Variants in ATRNL1 observed in about 807,000 individuals in gnomAD.
ATRNL1 encodes attractin-like protein 1.
ATRNL1 carries 95 observed loss-of-function variants against 182.7 expected under a neutral mutation model. The observed-to-expected ratio is 0.52, with a 90% CI of 0.44 to 0.62. ATRNL1 has a LOEUF of 0.62. Ranked by LOEUF, ATRNL1 falls within the 20% of genes least tolerant of loss-of-function variation. The pLI is 0.00. For synonymous variants in ATRNL1, 576 were observed against 568.3 expected, an observed-to-expected ratio of 1.01 and a Z score of -0.19; for missense variants, 1,471 against 1,679.5, an observed-to-expected ratio of 0.88 and a Z score of 2.17.
intron 26 of ATRNL1, among the ~76,000 whole-genome samples, chr10:115,608,870 A>C (rs1857004099): frequency 6.6e-6 from 1 of 151,950 alleles, no homozygotes; most frequent in African/African-American, 2.4e-5. Flanking sequence ...AAATCCTAGT[A>C]GACAAAATTG....
intron 1 of ATRNL1, among the ~76,000 whole-genome samples, chr10:115,115,314 T>C (rs1844434753): frequency 6.6e-6 from 1 of 152,068 alleles, no homozygotes; most frequent in Admixed American, 6.6e-5. Context: ...TATTATTTCG[T>C]TGGCGTTCTA....
intron 13 of ATRNL1, among the ~76,000 whole-genome samples, chr10:115,270,326 ATTTGTT>A (rs1392376705): frequency 8.6e-5 from 9 of 104,830 alleles, no homozygotes; most frequent in East Asian, 4.3e-4. Context: ...ATATAAATAT[ATTTGTT>A]TATATATTAT....
At chr10:115,784,127 A>G (rs1303047778) in intron 27 of ATRNL1, among the ~76,000 whole-genome samples, 1 of 152,200 alleles carries the variant, frequency 6.6e-6, no homozygotes, top group Non-Finnish European at 1.5e-5. Context: ...TCTGAATGTC[A>G]GTTTTCTTTT....
At chr10:115,429,871 T>C (rs183994871) in intron 21 of ATRNL1, among the ~76,000 whole-genome samples, 3 of 151,998 alleles carry the variant, frequency 2.0e-5, no homozygotes, top group Admixed American at 1.3e-4. Flanking sequence ...ATCGAGACCA[T>C]CCTGGCTAAC....
At chr10:115,533,512 G>T (rs1200445570) in intron 25 of ATRNL1, among the ~76,000 whole-genome samples, 78 of 151,910 alleles carry the variant, frequency 5.1e-4, no homozygotes, top group African/African-American at 1.8e-3. Flanking sequence ...TATTAGTCTT[G>T]CTAGCTGTCT....
chr10:115,230,992 T>C (rs931045024), intron 9 of ATRNL1, among the ~76,000 whole-genome samples: 5 of 150,592 alleles, frequency 3.3e-5, no homozygotes, highest in Non-Finnish European at 5.9e-5. Context: ...TTGGCATTAG[T>C]TGGGATGATG....
chr10:115,725,297 T>C (rs1461047544), intron 26 of ATRNL1, among the ~76,000 whole-genome samples: 1 of 152,196 alleles, frequency 6.6e-6, no homozygotes, highest in Non-Finnish European at 1.5e-5. Flanking sequence ...GATTTTTTTA[T>C]GAGTTTTTGG....
At chr10:115,250,598 G>C (rs138475524) in intron 10 of ATRNL1, among the ~76,000 whole-genome samples, 6 of 152,114 alleles carry the variant, frequency 3.9e-5, no homozygotes, top group Non-Finnish European at 5.9e-5. Flanking sequence ...CCTAGGAGTG[G>C]AATATGCTGC....
At chr10:115,287,836 A>G (rs1554919527) in intron 15 of ATRNL1, among the ~76,000 whole-genome samples, 2 of 151,620 alleles carry the variant, frequency 1.3e-5, no homozygotes, top group African/African-American at 4.8e-5. Context: ...TCAATCCTTT[A>G]ATAAATCTCT....
chr10:115,781,788 T>G (rs1949271829), intron 27 of ATRNL1, among the ~76,000 whole-genome samples: 1 of 152,174 alleles, frequency 6.6e-6, no homozygotes, highest in Admixed American at 6.5e-5. Flanking sequence ...AGCTATATAT[T>G]TAATATTTTT....
intron 11 of ATRNL1, 45 bp downstream of exon 11, chr10:115,265,322 G>A (rs538905892): frequency 1.7e-6 from 2 of 1,195,146 alleles, no homozygotes; most frequent in South Asian, 2.7e-5. Flanking sequence ...ACTTATATCA[G>A]TCATACTATC....
intron 20 of ATRNL1, among the ~76,000 whole-genome samples, chr10:115,401,233 A>G (rs1003465588): frequency 1.3e-5 from 2 of 152,100 alleles, no homozygotes; most frequent in Non-Finnish European, 2.9e-5. Flanking sequence ...ATAAAATCTA[A>G]GTCCAAATAT....
intron 10 of ATRNL1, among the ~76,000 whole-genome samples, chr10:115,255,385 T>A (rs1851076741): frequency 6.6e-6 from 1 of 152,216 alleles, no homozygotes; most frequent in African/African-American, 2.4e-5. Context: ...AGGTATTTTA[T>A]TCTCTTTGTG....
intron 26 of ATRNL1, among the ~76,000 whole-genome samples, chr10:115,641,547 C>A (rs891229346): frequency 3.3e-5 from 5 of 152,130 alleles, no homozygotes; most frequent in Non-Finnish European, 7.4e-5. Context: ...AAGAGGGAGA[C>A]CTTCCTAGAT....
chr10:115,231,447 C>G (rs1849947513), intron 9 of ATRNL1, among the ~76,000 whole-genome samples: 2 of 151,956 alleles, frequency 1.3e-5, no homozygotes, highest in Admixed American at 6.6e-5. Flanking sequence ...AAGAAAAGTA[C>G]TAACAACTTT....
rs529846944 is a variant in ATRNL1, at chr10:115,229,426, T to G, written c.1533-12145T>G. ...ATACTGATGAACATCAGCATTTTTC[T>G]TTCTCTGCTTACTGAGTGTCTGAAA... On this transcript the variant is annotated intron_variant, in intron 9 of 28. Coordinates refer to ENST00000355044, the MANE Select transcript of ATRNL1 (RefSeq NM_207303.4). Among the ~76,000 whole-genome samples the G allele has an allele frequency of 9.9e-5, 15 of 152,268 alleles. No individual in the cohort carries two copies. The East Asian group carries it at 2.9e-3, about 29-fold the overall frequency.
chr10:115,532,872 C>A (rs1851681961), intron 25 of ATRNL1, among the ~76,000 whole-genome samples: 1 of 152,084 alleles, frequency 6.6e-6, no homozygotes, highest in African/African-American at 2.4e-5. Context: ...TTGATATAAT[C>A]ATGTGGTTTT....
At chr10:115,842,589 T>C (rs1254907923) in intron 27 of ATRNL1, among the ~76,000 whole-genome samples, 8 of 152,056 alleles carry the variant, frequency 5.3e-5, no homozygotes, top group African/African-American at 1.9e-4. Context: ...GGAGAGCTGG[T>C]CTGAGTACTT....
chr10:115,249,171 T>TTCAGTAGAG (rs1554904786), intron 10 of ATRNL1, among the ~76,000 whole-genome samples: 2 of 152,054 alleles, frequency 1.3e-5, no homozygotes, highest in African/African-American at 4.8e-5. Flanking sequence ...TTTTGTATTT[T>TTCAGTAGAG]TCAGTAGAGA....
Sources: allele counts gnomAD v4.1 joint callset (sites outside exome capture counted in the v4.1 genomes callset), GRCh38; gene constraint gnomAD v4.1.1; transcripts MANE v1.5; gene names NCBI Gene and HGNC (gene_info 2026-07-23, HGNC 2026-07-21).